Variants in SLC25A53 observed in about 807,000 individuals in gnomAD.
SLC25A53 encodes mitochondrial carrier triple repeat protein 6.
SLC25A53 carries 5 observed loss-of-function variants against 15.0 expected under a neutral mutation model. The ratio of observed to expected loss-of-function variants is 0.33; its 90% CI spans 0.17 to 0.70. The LOEUF is 0.70. SLC25A53 is among the 30% of genes least tolerant of loss of function. The pLI is 0.67. For missense variants in SLC25A53, 216 were observed against 241.6 expected (o/e 0.89, Z 0.70); for synonymous variants, 95 against 100.0 (o/e 0.95, Z 0.30).
At position 104,104,371 on chromosome X, in the gene SLC25A53, C is replaced by T; in HGVS notation, c.887G>A (p.Arg296Lys). 1 of 1,211,423 alleles carries T rather than the reference C, an allele frequency of 8.3e-7. No individual in the cohort carries two copies. ...LTTAIHDFLQ[R>K]KSHSRKELKT... ...CAGCTCTTTCCTGGAGTGCGACTTC[C>T]TCTGCAGGAAGTCATGGATTGCCGT... Residue 296 changes from arginine (R) to lysine (K), a missense_variant, in exon 2 of 2, where the codon AGG (arginine) becomes AAG (lysine). Physicochemically the swap from Arg to Lys is conservative, Grantham distance 26 (BLOSUM62 2). Coordinates refer to ENST00000594199, the MANE Select transcript of SLC25A53 (RefSeq NM_001012755.5).
At chrX:104,136,683 T>C (rs2075437395) in intron 1 of SLC25A53, among the ~76,000 whole-genome samples, 1 of 112,403 alleles carries the variant, frequency 8.9e-6, no homozygotes, top group African/African-American at 3.2e-5. Context: ...GTGAAAATTC[T>C]AGAAGGGAAC....
chrX:104,122,558 A>G (rs1250473382), intron 1 of SLC25A53, among the ~76,000 whole-genome samples: 1 of 110,940 alleles, frequency 9.0e-6, no homozygotes, highest in Non-Finnish European at 1.9e-5. Context: ...TTTTTCCGTA[A>G]TGAGACTACT....
chrX:104,126,752 G>T (rs897406582), intron 1 of SLC25A53, among the ~76,000 whole-genome samples: 1 of 112,330 alleles, frequency 8.9e-6, no homozygotes, highest in Non-Finnish European at 1.9e-5. Flanking sequence ...TGAAAAACAT[G>T]TTCAACATCA....
intron 1 of SLC25A53, among the ~76,000 whole-genome samples, chrX:104,109,116 GCA>G (rs2075326356): frequency 8.9e-6 from 1 of 111,960 alleles, no homozygotes; most frequent in Non-Finnish European, 1.9e-5. Flanking sequence ...GTGAGGGCAA[GCA>G]TTCTAGGCTG....
At chrX:104,136,482 G>T (rs944335935) in intron 1 of SLC25A53, among the ~76,000 whole-genome samples, 9 of 112,082 alleles carry the variant, frequency 8.0e-5, no homozygotes, top group Non-Finnish European at 1.7e-4. Context: ...CAAAGGGAAA[G>T]AAATCACAGC....
intron 1 of SLC25A53, among the ~76,000 whole-genome samples, chrX:104,144,671 C>A (rs2075460919): frequency 9.0e-6 from 1 of 110,842 alleles, no homozygotes; most frequent in African/African-American, 3.3e-5. Flanking sequence ...TAACTATTTT[C>A]AGCCAATTAT....
chrX:104,136,931 TAC>T (rs1425966115), intron 1 of SLC25A53, among the ~76,000 whole-genome samples: 1 of 112,021 alleles, frequency 8.9e-6, no homozygotes, highest in Non-Finnish European at 1.9e-5. Flanking sequence ...ATTAAACATG[TAC>T]ACAGAGAATT....
At chrX:104,117,800 T>C (rs1259867553) in intron 1 of SLC25A53, among the ~76,000 whole-genome samples, 4 of 112,146 alleles carry the variant, frequency 3.6e-5, no homozygotes, top group African/African-American at 9.7e-5. Context: ...TAAATGCTAT[T>C]GAATGATTTA....
intron 1 of SLC25A53, among the ~76,000 whole-genome samples, chrX:104,118,187 C>T (rs2075383706): frequency 1.8e-5 from 2 of 112,406 alleles, no homozygotes; most frequent in South Asian, 7.3e-4. Context: ...TGATACCCTT[C>T]ATTTATAATT....
intron 1 of SLC25A53, among the ~76,000 whole-genome samples, chrX:104,154,514 G>A (rs1470204204): frequency 8.9e-6 from 1 of 112,386 alleles, no homozygotes; most frequent in African/African-American, 3.2e-5. Context: ...TCAGTATGTC[G>A]AAGAGATATC....
chrX:104,118,605 TATTA>T (rs2075384775), intron 1 of SLC25A53, among the ~76,000 whole-genome samples: 1 of 112,770 alleles, frequency 8.9e-6, no homozygotes, highest in South Asian at 3.6e-4. Context: ...ATTTAATTAC[TATTA>T]ATTGACACAT....
intron 1 of SLC25A53, among the ~76,000 whole-genome samples, chrX:104,125,949 T>C (rs1293888263): frequency 2.7e-5 from 3 of 111,784 alleles, no homozygotes; most frequent in Non-Finnish European, 5.6e-5. Context: ...ATGTCAATTT[T>C]CCCCACAGTT....
chrX:104,099,549 A>G lies in SLC25A53; in HGVS notation c.*4785T>C, dbSNP rs2075272660. On this transcript the variant is annotated 3_prime_UTR_variant, in exon 2 of 2. Coordinates refer to ENST00000594199, the MANE Select transcript of SLC25A53 (RefSeq NM_001012755.5). ...ATCAACTACAGCTATCTGCAATATC[A>G]ATGAGTCTCACAAGCAATGTGGAGT... is the stretch of plus-strand genomic sequence containing the variant. 1 of 112,516 alleles carries G rather than the reference A, an allele frequency of 8.9e-6. No homozygotes were observed. The highest frequency in any genetic ancestry group is 3.7e-4 in the South Asian group (1 of 2,734). 9.3% of individuals were successfully genotyped at this position (112,516 alleles called of 1,213,427 possible). A position where few individuals can be genotyped will look rare whatever the true frequency, so the allele number is the denominator to read the frequency against.
In SLC25A53 at chrX:104,100,412, A is replaced by C. The variant is rs557314475; in HGVS notation, c.*3922T>G. ...ATTACCTCCTTATTTTATTGGTCTCAACTCCTAAAACTCATTTTTAATATC... is the reference window on the plus strand; with the variant it reads ...ATTACCTCCTTATTTTATTGGTCTCCACTCCTAAAACTCATTTTTAATATC... On this transcript the variant is annotated 3_prime_UTR_variant, in exon 2 of 2. Transcript: ENST00000594199. 6.3e-5 allele frequency: 7 copies of C among 111,473 alleles called. No homozygotes were observed. Among genetic ancestry groups the C allele is most frequent in the African/African-American group, 2.3e-4 (7 of 30,755 alleles). The allele number at this position is 111,473 out of a possible 1,213,427, so 9.2% of individuals were successfully genotyped here.
intron 1 of SLC25A53, among the ~76,000 whole-genome samples, chrX:104,139,611 C>T (rs782653277): frequency 1.8e-5 from 2 of 111,728 alleles, no homozygotes; most frequent in Non-Finnish European, 3.8e-5. Context: ...GTCAAGAGAT[C>T]GAGACCATCC....
chrX:104,115,658 C>T (rs2147869785), intron 1 of SLC25A53: 1 of 202,340 alleles, frequency 4.9e-6, no homozygotes, highest in South Asian at 1.8e-4. Flanking sequence ...ACTCAGCACC[C>T]TTTTGTAACC....
chrX:104,130,040 G>A (rs2075421731), intron 1 of SLC25A53, among the ~76,000 whole-genome samples: 1 of 110,641 alleles, frequency 9.0e-6, no homozygotes, highest in African/African-American at 3.3e-5. Flanking sequence ...GGACTGCATT[G>A]CATTTCCACT....
Position 104,102,218 on chromosome X carries a change from C to A in SLC25A53, c.*2116G>T, listed in dbSNP as rs1223249803. 1 of 112,058 alleles carries A rather than the reference C, an allele frequency of 8.9e-6. No individual in the cohort carries two copies. The highest frequency in any genetic ancestry group is 1.9e-5 in the Non-Finnish European group (1 of 53,230). 9.2% of individuals were successfully genotyped at this position (112,058 alleles called of 1,213,427 possible). ...AAGTTCTCACTGCTAAATCTACAAC[C>A]AAGTAAGACAAATACAGGACAAATT... On this transcript the variant is annotated 3_prime_UTR_variant, in exon 2 of 2. Transcript: ENST00000594199.
chrX:104,115,348 TC>T (rs1366276211), intron 1 of SLC25A53: 6 of 1,115,107 alleles, frequency 5.4e-6, no homozygotes, highest in Non-Finnish European at 7.1e-6. Context: ...CCTAAATGAG[TC>T]CTTGACTGTA....
Sources: allele counts gnomAD v4.1 joint callset (sites outside exome capture counted in the v4.1 genomes callset), GRCh38; gene constraint gnomAD v4.1.1; transcripts MANE v1.5; gene names NCBI Gene and HGNC (gene_info 2026-07-23, HGNC 2026-07-21).